POPDC1: variants seen among roughly 807,000 people sequenced by gnomAD.
POPDC1 encodes the protein popeye domain cAMP effector 1, also known as popeye domain-containing protein 1.
the POPDC1 span, among the ~76,000 whole-genome samples, chr6:105,115,529 A>G: frequency 6.6e-6 from 1 of 152,262 alleles, no homozygotes. Context: ...AATATGGGGG[A>G]AATGCTAAAC....
chr6:105,104,196 C>T, the POPDC1 span, among the ~76,000 whole-genome samples: 5 of 152,164 alleles, frequency 3.3e-5, no homozygotes, highest in African/African-American at 1.2e-4. Context: ...CACCAAATTC[C>T]CATTGTTTCC....
chr6:105,109,339 A>C, the POPDC1 span, among the ~76,000 whole-genome samples: 2 of 152,220 alleles, frequency 1.3e-5, no homozygotes, highest in Non-Finnish European at 2.9e-5. Context: ...TACAAAGTTA[A>C]ACAATAAAAG....
the POPDC1 span, among the ~76,000 whole-genome samples, chr6:105,101,696 C>T: frequency 1.8e-4 from 27 of 152,266 alleles, 1 homozygote; most frequent in Admixed American, 1.6e-3. Flanking sequence ...TGGAGTCCAG[C>T]CACCCACTGG....
At chr6:105,136,200 C>T in the POPDC1 span, 8 of 152,262 alleles carry the variant, frequency 5.3e-5, no homozygotes, top group East Asian at 1.5e-3. Flanking sequence ...AATGGCATTA[C>T]ATTGCTAAGA....
the POPDC1 span, among the ~76,000 whole-genome samples, chr6:105,108,482 G>C: frequency 1.3e-5 from 2 of 152,182 alleles, no homozygotes; most frequent in Non-Finnish European, 2.9e-5. Context: ...CAACCACTCA[G>C]AGACTTGAAG....
chr6:105,118,148 A>G, the POPDC1 span, among the ~76,000 whole-genome samples: 1 of 152,298 alleles, frequency 6.6e-6, no homozygotes, highest in South Asian at 2.1e-4. Context: ...ATCCAGTCCT[A>G]TCTGAGCCTC....
chr6:105,107,098 C>T, the POPDC1 span, among the ~76,000 whole-genome samples: 2 of 152,008 alleles, frequency 1.3e-5, no homozygotes, highest in Non-Finnish European at 2.9e-5. Flanking sequence ...CCCTCTACCT[C>T]CCCCCACCCC....
At chr6:105,129,556 G>C in the POPDC1 span, 1 of 1,548,562 alleles carries the variant, frequency 6.5e-7, no homozygotes, top group Non-Finnish European at 8.8e-7. Context: ...CCTAAGTGGG[G>C]AGCTTAATAA....
At chr6:105,119,731 A>G in the POPDC1 span, among the ~76,000 whole-genome samples, 1 of 152,240 alleles carries the variant, frequency 6.6e-6, no homozygotes, top group Admixed American at 6.5e-5. Flanking sequence ...TGAAGAAATT[A>G]TATTTAGATG....
At chr6:105,107,956 A>C in the POPDC1 span, among the ~76,000 whole-genome samples, 1 of 152,200 alleles carries the variant, frequency 6.6e-6, no homozygotes, top group African/African-American at 2.4e-5. Flanking sequence ...GTTTCCTTTA[A>C]TACACTCAGC....
the POPDC1 span, among the ~76,000 whole-genome samples, chr6:105,117,144 T>G: frequency 1.3e-5 from 2 of 152,188 alleles, no homozygotes; most frequent in Non-Finnish European, 2.9e-5. Context: ...GCCACTGTAT[T>G]GATACCGCTG....
At chr6:105,111,069 C>T in the POPDC1 span, among the ~76,000 whole-genome samples, 2 of 152,132 alleles carry the variant, frequency 1.3e-5, no homozygotes, top group Non-Finnish European at 2.9e-5. Context: ...GATCTCACAG[C>T]ATTTTTAAAA....
chr6:105,116,710 T>A, the POPDC1 span: 30 of 1,587,378 alleles, frequency 1.9e-5, no homozygotes, highest in Non-Finnish European at 1.5e-5. Flanking sequence ...CTTTATCATT[T>A]AAGGTGGGAT....
chr6:105,117,442 A>G, the POPDC1 span, among the ~76,000 whole-genome samples: 1 of 152,202 alleles, frequency 6.6e-6, no homozygotes, highest in Non-Finnish European at 1.5e-5. Flanking sequence ...GATCCAGGGT[A>G]GCCCATTAGA....
the POPDC1 span, among the ~76,000 whole-genome samples, chr6:105,131,000 T>C: frequency 1.3e-5 from 2 of 152,218 alleles, no homozygotes; most frequent in Non-Finnish European, 2.9e-5. Flanking sequence ...TCTGAGAATC[T>C]TCCTGTGTTT....
At chr6:105,122,885 A>G in the POPDC1 span, among the ~76,000 whole-genome samples, 2 of 152,224 alleles carry the variant, frequency 1.3e-5, no homozygotes, top group Admixed American at 1.3e-4. Context: ...CCAGCTTGGG[A>G]AGAATGTTGC....
the POPDC1 span, among the ~76,000 whole-genome samples, chr6:105,127,416 T>C: frequency 1.3e-5 from 2 of 152,158 alleles, no homozygotes; most frequent in Non-Finnish European, 2.9e-5. Flanking sequence ...GATTTATTCA[T>C]GATCTGCTCA....
the POPDC1 span, chr6:105,115,937 A>G: frequency 9.5e-7 from 1 of 1,053,288 alleles, no homozygotes. Flanking sequence ...TAAAAAAAAG[A>G]ATACCTGATA....
the POPDC1 span, among the ~76,000 whole-genome samples, chr6:105,102,520 G>A: frequency 1.9e-4 from 29 of 152,326 alleles, no homozygotes; most frequent in African/African-American, 5.8e-4. Flanking sequence ...GGCACAGGGG[G>A]AGGGAGCATG....
Sources: allele counts gnomAD v4.1 joint callset (sites outside exome capture counted in the v4.1 genomes callset), GRCh38; gene constraint gnomAD v4.1.1; transcripts MANE v1.5; gene names NCBI Gene and HGNC (gene_info 2026-07-23, HGNC 2026-07-21).